The following SPATA6L variants were observed in gnomAD, a reference collection of about 807,000 sequenced individuals.
The protein encoded by SPATA6L is spermatogenesis associated 6-like protein.
SPATA6L carries 68 observed loss-of-function variants against 49.2 expected under a neutral mutation model. The observed-to-expected ratio is 1.38, with a 90% CI of 1.14 to 1.69. SPATA6L has a LOEUF of 1.69. Among genes scored for constraint, SPATA6L ranks in the 40% most tolerant of loss-of-function variants. The pLI is 0.00. For missense variants in SPATA6L, 668 were observed against 464.3 expected, an observed-to-expected ratio of 1.44 and a Z score of -4.03; for synonymous variants, 198 against 165.7, an observed-to-expected ratio of 1.19 and a Z score of -1.50.
intron 7 of SPATA6L, among the ~76,000 whole-genome samples, chr9:4,619,283 A>G (rs1587108763): frequency 6.6e-6 from 1 of 150,444 alleles, no homozygotes; most frequent in African/African-American, 2.5e-5. Context: ...CAGCCTCCCG[A>G]GTAGCTGGGA....
At position 4,648,579 on chromosome 9, in the gene SPATA6L, G is replaced by A. The variant is rs992064790; in HGVS notation, c.226+7462C>T. On this transcript the variant is annotated intron_variant, in intron 3 of 11. Coordinates refer to ENST00000682582, the MANE Select transcript of SPATA6L (RefSeq NM_001353486.2). Reference sequence around the variant, plus strand: ...GCCGGGCGTGGTGGCGGGAGCCTGTGGTCCCAGCTACGCGGGAGGCTGAGG... The same window carrying A: ...GCCGGGCGTGGTGGCGGGAGCCTGTAGTCCCAGCTACGCGGGAGGCTGAGG... Among the ~76,000 whole-genome samples the A allele has an allele frequency of 3.1e-4, 47 of 151,828 alleles. No individual in the cohort carries two copies. The Middle Eastern group carries it at 0.01, about 33-fold the overall frequency.
chr9:4,602,662 GC>G (rs35917939), intron 11 of SPATA6L, among the ~76,000 whole-genome samples: 25,487 of 152,108 alleles, frequency 0.17, 3,170 homozygotes, highest in East Asian at 0.33. Flanking sequence ...CCTTCCAAAG[GC>G]CAATGCCCAC....
intron 6 of SPATA6L, among the ~76,000 whole-genome samples, chr9:4,623,602 TATC>T (rs1829801858): frequency 6.6e-6 from 1 of 151,892 alleles, no homozygotes; most frequent in Admixed American, 6.6e-5. Flanking sequence ...AAACATCACA[TATC>T]ATCAGAAAAT....
intron 3 of SPATA6L, among the ~76,000 whole-genome samples, chr9:4,654,804 T>A (rs1837736080): frequency 6.6e-6 from 1 of 152,150 alleles, no homozygotes; most frequent in Non-Finnish European, 1.5e-5. Context: ...AGGGTCTCCG[T>A]CTGTTACAGG....
At chr9:4,589,389 C>T (rs1047789344) in intron 13 of SPATA6L, among the ~76,000 whole-genome samples, 4 of 152,084 alleles carry the variant, frequency 2.6e-5, no homozygotes, top group Non-Finnish European at 5.9e-5. Context: ...GATCCGTGTC[C>T]CTGATGTGAT....
chr9:4,625,412 A>C lies in SPATA6L; in HGVS notation c.584T>G (p.Phe195Cys), dbSNP rs1221431972. The change falls in exon 6 of 12, where the codon TTC becomes TGC. Residue 195 changes from phenylalanine to cysteine, a missense_variant. Phe to Cys is a radical substitution (Grantham distance 205). Coordinates refer to ENST00000682582, the MANE Select transcript of SPATA6L (RefSeq NM_001353486.2). ...RAPSQYSTRH[F>C]FQDQPAQLNL... ...CAACTGAGCTGGCTGGTCCTGGAAG[A>C]AATGCCTGGTAGAATATTGAGAGGG... The C allele has an allele frequency of 1.2e-6, 2 of 1,614,122 alleles. No homozygotes were observed. The highest frequency in any genetic ancestry group is 3.3e-5 in the Admixed American group (2 of 60,012).
At position 4,663,162 on chromosome 9, in the gene SPATA6L, T is replaced by G. The variant is rs766771179; in HGVS notation, c.40-1126A>C. ...GCGGCACAATGTCACCGACGTAGCT[T>G]TTGGCTTTTTTCTGGGCTACATGCA... On this transcript the variant is annotated intron_variant, in intron 1 of 11. Transcript: ENST00000682582. 4 of 1,613,964 alleles carry G rather than the reference T, an allele frequency of 2.5e-6. No individual in the cohort carries two copies. The African/African-American group carries it at 4.0e-5, about 16-fold the overall frequency.
chr9:4,607,737 T>A (rs1388468959), intron 9 of SPATA6L, among the ~76,000 whole-genome samples: 4 of 152,112 alleles, frequency 2.6e-5, no homozygotes, highest in Non-Finnish European at 5.9e-5. Flanking sequence ...CTGCATCAAC[T>A]AACGAGCAAA....
chr9:4,633,842 T>G (rs1832185727), intron 4 of SPATA6L: 1 of 152,244 alleles, frequency 6.6e-6, no homozygotes, highest in Non-Finnish European at 1.5e-5. Flanking sequence ...GGTTTTATTT[T>G]GCTTTATAGA....
chr9:4,665,347 G>C (rs1164059458), intron 1 of SPATA6L: 1 of 152,988 alleles, frequency 6.5e-6, no homozygotes, highest in African/African-American at 2.4e-5. Flanking sequence ...CCTTCTTCCT[G>C]CACAATTTTT....
At chr9:4,617,404 C>G (rs1057200350) in intron 9 of SPATA6L, 3 of 152,276 alleles carry the variant, frequency 2.0e-5, no homozygotes, top group Admixed American at 2.0e-4. Context: ...GTTACTTACC[C>G]TACTAGAGAG....
intron 4 of SPATA6L, among the ~76,000 whole-genome samples, chr9:4,632,212 G>A (rs1831744983): frequency 6.6e-6 from 1 of 150,986 alleles, no homozygotes; most frequent in South Asian, 2.1e-4. Flanking sequence ...TAGAGACGAG[G>A]TTTCACTGTG....
At chr9:4,589,987 G>A (rs893627693) in intron 13 of SPATA6L, among the ~76,000 whole-genome samples, 10 of 152,178 alleles carry the variant, frequency 6.6e-5, no homozygotes, top group Admixed American at 1.3e-4. Context: ...GCAGTGGCGC[G>A]ATCTTGGTTC....
At chr9:4,657,992 C>T (rs747022443) in intron 2 of SPATA6L, among the ~76,000 whole-genome samples, 1 of 152,044 alleles carries the variant, frequency 6.6e-6, no homozygotes, top group Non-Finnish European at 1.5e-5. Context: ...GAGTGAATGC[C>T]GTGTAAATAT....
chr9:4,602,887 C>T (rs1197042999), intron 11 of SPATA6L, among the ~76,000 whole-genome samples: 1 of 152,172 alleles, frequency 6.6e-6, no homozygotes, highest in Non-Finnish European at 1.5e-5. Flanking sequence ...GTACCTATCT[C>T]ATTGGGTTGT....
rs59954285 is a variant in SPATA6L at position 4,606,329 on chromosome 9, G to A, written c.996-889C>T. On this transcript the variant is annotated intron_variant, in intron 9 of 11. Transcript: ENST00000682582. ...AGGAGGCCTGCCTGCCTCTGTAGGC[G>A]CCACGTCTGGGGGCAGGGCACAGAC... Among the ~76,000 whole-genome samples the A allele has an allele frequency of 8.8e-5, 12 of 136,380 alleles. 1 individual carries two copies. The South Asian group carries it at 2.2e-3, about 25-fold the overall frequency. The allele number at this position is 136,380 out of a possible 152,430, so 89.5% of individuals were successfully genotyped here.
intron 11 of SPATA6L, among the ~76,000 whole-genome samples, chr9:4,602,216 T>A (rs1048512786): frequency 3.9e-5 from 6 of 152,152 alleles, no homozygotes; most frequent in African/African-American, 1.4e-4. Context: ...CAGGGCTCTA[T>A]GTAACTTGAT....
At chr9:4,595,904 T>C (rs567896431), downstream of SPATA6L, among the ~76,000 whole-genome samples, 549 of 152,334 alleles carry the variant, frequency 3.6e-3, 4 homozygotes, top group Non-Finnish European at 4.8e-3. Flanking sequence ...AAGACCCAGC[T>C]TCAGACCAGC....
At chr9:4,620,510 G>A (rs571809085) in intron 7 of SPATA6L, among the ~76,000 whole-genome samples, 1 of 152,324 alleles carries the variant, frequency 6.6e-6, no homozygotes, top group South Asian at 2.1e-4. Context: ...AGAGCCCCAG[G>A]TGATTCAACT....
Sources: gnomAD v4.1 joint callset for allele counts (sites outside exome capture counted in the v4.1 genomes callset) on GRCh38, gnomAD v4.1.1 for gene constraint, MANE v1.5 for transcripts, NCBI Gene and HGNC (gene_info 2026-07-23, HGNC 2026-07-21) for gene names.